The following GPM6B variants were observed in gnomAD, a reference collection of about 807,000 sequenced individuals.
GPM6B encodes glycoprotein M6B, also known as neuronal membrane glycoprotein M6-b.
In GPM6B, 4 loss-of-function variants were observed where a neutral mutation model predicts 27.2. The observed-to-expected ratio is 0.15, with a 90% CI of 0.07 to 0.34. The LOEUF is 0.34. Among genes scored for constraint, GPM6B ranks in the 10% least tolerant of loss-of-function variants. GPM6B has a pLI of 1.00. For missense variants in GPM6B, 183 were observed against 261.9 expected, an observed-to-expected ratio of 0.70 and a Z score of 2.08; for synonymous variants, 124 against 103.1, an observed-to-expected ratio of 1.20 and a Z score of -1.23.
At chrX:13,889,322 G>C (rs934339393) in intron 1 of GPM6B, 2 of 111,622 alleles carry the variant, frequency 1.8e-5, no homozygotes, top group African/African-American at 6.5e-5. Flanking sequence ...CTGTTCCTAG[G>C]GAGGTTAACA....
chrX:13,831,177 TAC>T (rs536337642), intron 1 of GPM6B, among the ~76,000 whole-genome samples: 12,701 of 81,238 alleles, frequency 0.16, 875 homozygotes, highest in South Asian at 0.26. Context: ...AAGAGCTCAG[TAC>T]ACACACACAC....
intron 1 of GPM6B, among the ~76,000 whole-genome samples, chrX:13,867,683 T>C (rs1261248929): frequency 9.0e-6 from 1 of 111,322 alleles, no homozygotes; most frequent in African/African-American, 3.3e-5. Context: ...ACAACAAAAT[T>C]ACCAGATGCT....
chrX:13,802,606 C>T (rs2048943972), intron 2 of GPM6B, among the ~76,000 whole-genome samples: 1 of 110,134 alleles, frequency 9.1e-6, no homozygotes, highest in South Asian at 3.8e-4. Context: ...ACTATAAAAT[C>T]GTTAACTGCT....
At chrX:13,814,794 T>C (rs2049203675) in intron 1 of GPM6B, among the ~76,000 whole-genome samples, 2 of 111,724 alleles carry the variant, frequency 1.8e-5, no homozygotes, top group Admixed American at 1.9e-4. Flanking sequence ...CACACAACAA[T>C]CACAACCCCT....
chrX:13,832,996 G>A lies in GPM6B; in HGVS notation c.-197-47188C>T, dbSNP rs761556678. Among the ~76,000 whole-genome samples the A allele has an allele frequency of 8.8e-4, 98 of 111,961 alleles. 2 individuals are homozygous for A. The highest frequency in any genetic ancestry group is 3.9e-4 in the Non-Finnish European group (21 of 53,201). On this transcript the variant is annotated intron_variant, in intron 1 of 6. Coordinates refer to the GPM6B transcript ENST00000398361. The stretch of plus-strand genomic sequence containing the variant: ...AAAATCTGAGGAACAGTTGGGCTTG[G>A]TGGCTCAGGCCTGTAGTCTTAGCTA...
intron 1 of GPM6B, among the ~76,000 whole-genome samples, chrX:13,911,671 G>A (rs1358156453): frequency 9.0e-6 from 1 of 111,633 alleles, no homozygotes; most frequent in Non-Finnish European, 1.9e-5. Context: ...CTGTTTCCAC[G>A]ATCATGTAAC....
chrX:13,835,071 G>T (rs990980568), intron 1 of GPM6B, among the ~76,000 whole-genome samples: 1 of 111,898 alleles, frequency 8.9e-6, no homozygotes, highest in Admixed American at 9.5e-5. Flanking sequence ...GTGTGTGGGG[G>T]TGGTGCCACT....
chrX:13,837,152 CAA>C (rs1399504498), intron 1 of GPM6B, among the ~76,000 whole-genome samples: 1 of 112,125 alleles, frequency 8.9e-6, no homozygotes, highest in Non-Finnish European at 1.9e-5. Flanking sequence ...AAACGCAACC[CAA>C]ATTGTATGAA....
chrX:13,804,490 G>A (rs1289324302), intron 2 of GPM6B, among the ~76,000 whole-genome samples: 1 of 110,540 alleles, frequency 9.0e-6, no homozygotes, highest in Non-Finnish European at 1.9e-5. Flanking sequence ...AAAAGATGTG[G>A]ACACTACATG....
intron 1 of GPM6B, among the ~76,000 whole-genome samples, chrX:13,853,432 C>T (rs1168657777): frequency 9.2e-6 from 1 of 108,624 alleles, no homozygotes; most frequent in Non-Finnish European, 1.9e-5. Flanking sequence ...GGTGAAACCC[C>T]ATCTCTACTA....
At chrX:13,790,230 T>C (rs1221334780) in intron 2 of GPM6B, among the ~76,000 whole-genome samples, 1 of 112,149 alleles carries the variant, frequency 8.9e-6, no homozygotes, top group East Asian at 2.8e-4. Flanking sequence ...AAGGGATATA[T>C]GGATCTGTAG....
chrX:13,862,384 C>T (rs766551141), intron 1 of GPM6B, among the ~76,000 whole-genome samples: 29 of 111,550 alleles, frequency 2.6e-4, no homozygotes, highest in Admixed American at 2.2e-3. Context: ...TAACTACACA[C>T]GTCAGGATAC....
At chrX:13,811,537 T>C (rs969709208) in intron 1 of GPM6B, among the ~76,000 whole-genome samples, 32 of 112,423 alleles carry the variant, frequency 2.8e-4, no homozygotes, top group African/African-American at 1.0e-3. Context: ...TGGTAAATTA[T>C]AGCCATCTGT....
intron 1 of GPM6B, among the ~76,000 whole-genome samples, chrX:13,830,952 G>A (rs745779893): frequency 5.4e-5 from 6 of 110,703 alleles, no homozygotes; most frequent in Non-Finnish European, 1.1e-4. Context: ...GGGGGCAGGG[G>A]TCGCTGTGGC....
chrX:13,922,403 A>T lies in GPM6B; in HGVS notation c.-198+15924T>A, dbSNP rs772463251. Among the ~76,000 whole-genome samples the T allele has an allele frequency of 4.5e-5, 5 of 111,516 alleles. No homozygotes were observed. The East Asian group carries it at 1.4e-3, about 31-fold the overall frequency. On this transcript the variant is annotated intron_variant, in intron 1 of 6. Coordinates refer to the GPM6B transcript ENST00000398361. ...TGAGAACCATGAGTCTAACTGACAA[A>T]CTCTTCTTGAGACAAAAAGAACCTC...
intron 1 of GPM6B, among the ~76,000 whole-genome samples, chrX:13,855,947 G>C (rs1219155481): frequency 9.0e-6 from 1 of 111,317 alleles, no homozygotes; most frequent in Non-Finnish European, 1.9e-5. Flanking sequence ...TCTACAAAAT[G>C]AGTGGGTACA....
intron 1 of GPM6B, among the ~76,000 whole-genome samples, chrX:13,811,492 GAATGCCATAAC>G (rs2049130952): frequency 9.0e-6 from 1 of 111,474 alleles, no homozygotes; most frequent in Non-Finnish European, 1.9e-5. Context: ...AAATATTAAG[GAATGCCATAAC>G]AATGCTATAA....
chrX:13,865,323 G>A (rs140671799), intron 1 of GPM6B, among the ~76,000 whole-genome samples: 1 of 109,188 alleles, frequency 9.2e-6, no homozygotes, highest in East Asian at 2.8e-4. Flanking sequence ...AAGATCACAT[G>A]CACATGCGGG....
chrX:13,862,198 A>T (rs1254477111), intron 1 of GPM6B, among the ~76,000 whole-genome samples: 2 of 111,529 alleles, frequency 1.8e-5, no homozygotes, highest in Non-Finnish European at 3.8e-5. Context: ...AACAACTACA[A>T]CAAAAAACAA....
Sources: allele counts gnomAD v4.1 joint callset (sites outside exome capture counted in the v4.1 genomes callset), GRCh38; gene constraint gnomAD v4.1.1; transcripts MANE v1.5; gene names NCBI Gene and HGNC (gene_info 2026-07-23, HGNC 2026-07-21).